ABCB11: variants seen among roughly 807,000 people sequenced by gnomAD.
The protein encoded by ABCB11 is ATP binding cassette subfamily B member 11, also known as bile salt export pump.
Under a neutral mutation model 148.0 loss-of-function variants are expected in ABCB11, and 95 were observed. The observed-to-expected ratio is 0.64, with a 90% CI of 0.54 to 0.76. The LOEUF (loss-of-function observed/expected upper bound fraction) is 0.76, where lower values mean the gene tolerates loss of function less well. Among genes scored for constraint, ABCB11 ranks in the 30% least tolerant of loss-of-function variants. The probability of loss-of-function intolerance (pLI) is 0.00; values close to 1 mark genes in which losing one functional copy is unlikely to be tolerated. For missense variants in ABCB11, 1,523 were observed against 1,617.8 expected (o/e 0.94, Z 1.01); for synonymous variants, 591 against 555.4 (o/e 1.06, Z -0.90).
At chr2:168,968,381 C>T in intron 17 of ABCB11, 46 bp downstream of exon 17, 1 of 1,571,622 alleles carries the variant, frequency 6.4e-7, no homozygotes, top group Non-Finnish European at 8.7e-7. Flanking sequence ...GAGGACTCCT[C>T]AGAATATTTG....
At chr2:168,935,098 C>T in intron 23 of ABCB11, 86 bp downstream of exon 23, 2 of 1,554,362 alleles carry the variant, frequency 1.3e-6, no homozygotes, top group Non-Finnish European at 1.8e-6. Context: ...GGATGGTTTG[C>T]TAAGCAGCAA....
intron 1 of ABCB11, among the ~76,000 whole-genome samples, chr2:169,024,292 C>T (rs757585433): frequency 2.0e-5 from 3 of 152,172 alleles, no homozygotes; most frequent in Non-Finnish European, 4.4e-5. Flanking sequence ...AGGCACTATG[C>T]ACCATCATCA....
chr2:168,925,382 A>G (rs1468058390), intron 26 of ABCB11, among the ~76,000 whole-genome samples: 2 of 152,202 alleles, frequency 1.3e-5, no homozygotes, highest in East Asian at 1.9e-4. Flanking sequence ...AGTTTTAGAG[A>G]AAATTAGGAA....
intron 8 of ABCB11, among the ~76,000 whole-genome samples, chr2:168,992,493 T>C (rs1694564591): frequency 6.6e-6 from 1 of 152,040 alleles, no homozygotes; most frequent in Admixed American, 6.6e-5. Flanking sequence ...AGTTGGAAAG[T>C]GGTTAGTAGG....
chr2:168,996,711 A>T lies in ABCB11; in HGVS notation c.401T>A (p.Ile134Asn). The change falls in exon 6 of 28, where the codon ATC becomes AAC. Residue 134 changes from isoleucine to asparagine, a missense_variant. Physicochemically the swap from Ile to Asn is moderately radical, Grantham distance 149. Transcript: ENST00000650372. ...GGCAAATTTGATCATTTCGCTCTCG[A>T]TGTTCAGCAACCTTCAAAAGAGGGA... ...TNGTRCGLLN[I>N]ESEMIKFASY... is the part of the protein sequence containing the mutation. 6.4e-7 allele frequency: 1 copy of T among 1,559,514 alleles called. No homozygotes were observed. Among genetic ancestry groups the T allele is most frequent in the Non-Finnish European group, 8.7e-7 (1 of 1,149,376 alleles).
chr2:168,963,149 G>A (rs1024336050), intron 18 of ABCB11, among the ~76,000 whole-genome samples: 2 of 151,748 alleles, frequency 1.3e-5, no homozygotes, highest in African/African-American at 4.8e-5. Context: ...GGATGTGCTT[G>A]TAATTTAAAA....
intron 19 of ABCB11, among the ~76,000 whole-genome samples, chr2:168,954,218 C>A (rs1692687117): frequency 9.2e-6 from 1 of 108,326 alleles, no homozygotes; most frequent in East Asian, 3.2e-4. Flanking sequence ...TTGTTTCCCT[C>A]TTTTTCTGTT....
At chr2:169,025,610 C>T (rs995918216) in intron 1 of ABCB11, among the ~76,000 whole-genome samples, 2 of 152,308 alleles carry the variant, frequency 1.3e-5, no homozygotes, top group Middle Eastern at 3.4e-3. Context: ...CCTTCTGTGT[C>T]CCCTTGTCAA....
chr2:168,938,735 G>A (rs1256055351), intron 21 of ABCB11, among the ~76,000 whole-genome samples: 2 of 152,174 alleles, frequency 1.3e-5, no homozygotes, highest in South Asian at 4.1e-4. Flanking sequence ...TGGTTGGCAA[G>A]GACTGTCAGG....
At chr2:168,935,578 T>G (rs1691783408) in intron 22 of ABCB11, among the ~76,000 whole-genome samples, 153 bp from the exon 23 acceptor site, 1 of 152,196 alleles carries the variant, frequency 6.6e-6, no homozygotes, top group Admixed American at 6.5e-5. Flanking sequence ...TGGCTGGAGA[T>G]CAACCCAACT....
intron 5 of ABCB11, among the ~76,000 whole-genome samples, chr2:169,000,393 G>A (rs1434248802): frequency 6.6e-6 from 1 of 151,966 alleles, no homozygotes; most frequent in Non-Finnish European, 1.5e-5. Flanking sequence ...CATGAAAATG[G>A]TCTCTTCCAT....
At chr2:169,002,122 T>C (rs192995726) in intron 5 of ABCB11, among the ~76,000 whole-genome samples, 64 of 152,286 alleles carry the variant, frequency 4.2e-4, no homozygotes, top group Non-Finnish European at 6.8e-4. Flanking sequence ...GTGGCTATAC[T>C]AATATCAGAC....
rs1293381473 is a variant in ABCB11, at chr2:169,013,464, C to T, written c.197G>A (p.Ser66Asn). The T allele has an allele frequency of 6.2e-7, 1 of 1,613,750 alleles. No homozygotes were observed. Among genetic ancestry groups the T allele is most frequent in the Non-Finnish European group, 8.5e-7 (1 of 1,179,750 alleles). The change falls in exon 5 of 28, where the codon AGT becomes AAT. Residue 66 changes from serine (S) to asparagine (N), a missense_variant. Ser to Asn is a conservative substitution (Grantham distance 46, BLOSUM62 1). Transcript: ENST00000650372. ...STDIWLMFVG[S>N]LCAFLHGIAQ... ...TATTCCATGGAGAAATGCACACAAA[C>T]TTCCCACAAACATCAGCCAAATGTC...
intron 19 of ABCB11, among the ~76,000 whole-genome samples, chr2:168,952,683 T>C: frequency 8.6e-6 from 1 of 116,816 alleles, no homozygotes; most frequent in Non-Finnish European, 2.0e-5. Flanking sequence ...CTTTGTTTTT[T>C]TTTTTTTGTT....
chr2:169,013,286 A>T lies in ABCB11; in HGVS notation c.375T>A (p.Asn125Lys). The change falls in exon 5 of 28, where the codon AAT becomes AAA. Residue 125 changes from asparagine to lysine, a missense_variant. By Grantham distance (94) the Asn-to-Lys change is moderately conservative. Coordinates refer to ENST00000650372, the MANE Select transcript of ABCB11 (RefSeq NM_003742.4). The stretch of plus-strand genomic sequence containing the variant: ...AAACAACCTACCCACAACGTGTTCC[A>T]TTTGTCATGTTCTGGTTGAGGGAAC... ...TNSSLNQNMT[N>K]GTRCGLLNIE... is the part of the protein sequence containing the mutation. The T allele has an allele frequency of 6.2e-7, 1 of 1,609,908 alleles. No homozygotes were observed. Among genetic ancestry groups the T allele is most frequent in the Non-Finnish European group, 8.5e-7 (1 of 1,177,254 alleles).
intron 8 of ABCB11, among the ~76,000 whole-genome samples, chr2:168,991,135 C>A (rs1399071653): frequency 1.3e-5 from 2 of 152,140 alleles, no homozygotes; most frequent in South Asian, 4.1e-4. Flanking sequence ...ATCAAAATGA[C>A]CCTACTAAAA....
chr2:168,957,394 C>G (rs116038309), intron 19 of ABCB11, among the ~76,000 whole-genome samples: 1 of 151,798 alleles, frequency 6.6e-6, no homozygotes, highest in African/African-American at 2.4e-5. Context: ...ATGATTACAG[C>G]AATCAAGTCA....
At chr2:168,935,657 C>CT (rs1691787180) in intron 22 of ABCB11, among the ~76,000 whole-genome samples, 1 of 152,120 alleles carries the variant, frequency 6.6e-6, no homozygotes, top group Non-Finnish European at 1.5e-5. Flanking sequence ...AGTGTTTATG[C>CT]TACCATCCCT....
At chr2:168,920,547 T>A (rs911375278), downstream of ABCB11, among the ~76,000 whole-genome samples, 2 of 21,244 alleles carry the variant, frequency 9.4e-5, no homozygotes, top group Non-Finnish European at 2.3e-4. Flanking sequence ...AATCCTTCTA[T>A]TTTTTTTTTT....
Sources: allele counts gnomAD v4.1 joint callset (sites outside exome capture counted in the v4.1 genomes callset), GRCh38; gene constraint gnomAD v4.1.1; transcripts MANE v1.5; gene names NCBI Gene and HGNC (gene_info 2026-07-23, HGNC 2026-07-21).